The following NBAS variants were observed in gnomAD, a reference collection of about 807,000 sequenced individuals.
The protein encoded by NBAS is NAG/BC035112 fusion.
In NBAS, 219 loss-of-function variants were observed where a neutral mutation model predicts 302.5. The observed-to-expected ratio is 0.72, with a 90% CI of 0.65 to 0.81. NBAS has a LOEUF of 0.81. Ranked by LOEUF, NBAS falls within the 30% of genes least tolerant of loss-of-function variation. The pLI is 0.00. For synonymous variants in NBAS, 1,118 were observed against 1,021.6 expected, an observed-to-expected ratio of 1.09 and a Z score of -1.80; for missense variants, 2,932 against 2,841.6, an observed-to-expected ratio of 1.03 and a Z score of -0.72.
At chr2:14,782,681 C>A in the NBAS span, among the ~76,000 whole-genome samples, 1 of 152,094 alleles carries the variant, frequency 6.6e-6, no homozygotes, top group South Asian at 2.1e-4. Context: ...GCACTATTCA[C>A]AATAGCAAAG....
chr2:15,185,954 G>T (rs1665054866), intron 50 of NBAS, among the ~76,000 whole-genome samples: 1 of 151,984 alleles, frequency 6.6e-6, no homozygotes, highest in South Asian at 2.1e-4. Flanking sequence ...TTATCCAAAT[G>T]CTTAAATTTA....
At chr2:15,108,629 C>A in the NBAS span, among the ~76,000 whole-genome samples, 1 of 152,180 alleles carries the variant, frequency 6.6e-6, no homozygotes, top group East Asian at 1.9e-4. Context: ...TTACCTAGGC[C>A]ACATAACAAA....
chr2:15,208,674 T>C (rs1443395766), intron 48 of NBAS, among the ~76,000 whole-genome samples: 1 of 151,638 alleles, frequency 6.6e-6, no homozygotes, highest in East Asian at 1.9e-4. Context: ...TCTTAAAACA[T>C]TAAAAAAATG....
chr2:15,506,684 G>C (rs1179582474), intron 10 of NBAS, among the ~76,000 whole-genome samples: 1 of 151,986 alleles, frequency 6.6e-6, no homozygotes, highest in Non-Finnish European at 1.5e-5. Context: ...TTCAGCAAAA[G>C]AACTGAGTAA....
chr2:15,284,430 T>A (rs895488426), intron 42 of NBAS, among the ~76,000 whole-genome samples: 3 of 152,204 alleles, frequency 2.0e-5, no homozygotes, highest in Non-Finnish European at 4.4e-5. Flanking sequence ...ATCTAGCTAT[T>A]TTGATTTTAA....
chr2:15,002,557 C>T, the NBAS span, among the ~76,000 whole-genome samples: 1 of 152,170 alleles, frequency 6.6e-6, no homozygotes, highest in East Asian at 1.9e-4. Context: ...CTTGGGTGGT[C>T]GATGGGACTG....
chr2:14,965,841 T>C, the NBAS span, among the ~76,000 whole-genome samples: 2 of 151,782 alleles, frequency 1.3e-5, no homozygotes, highest in African/African-American at 4.8e-5. Context: ...TTGTAGAGGG[T>C]AGAATTGGGT....
chr2:15,408,020 C>T (rs548676681), intron 25 of NBAS, among the ~76,000 whole-genome samples: 3 of 152,322 alleles, frequency 2.0e-5, no homozygotes, highest in East Asian at 3.9e-4. Context: ...ATCCTGACCA[C>T]AGCCAGAAAG....
intron 6 of NBAS, among the ~76,000 whole-genome samples, chr2:15,541,387 C>G (rs749478940): frequency 2.0e-5 from 3 of 152,094 alleles, no homozygotes; most frequent in African/African-American, 2.4e-5. Context: ...TTCACCATCC[C>G]TCCAGGACTA....
Position 15,275,350 on chromosome 2 carries a change from G to T in NBAS, c.5724+134C>A, listed in dbSNP as rs138901944. 5,951 of 1,078,278 alleles carry T rather than the reference G, an allele frequency of 5.5e-3. 28 individuals are homozygous for T. The highest frequency in any genetic ancestry group is 0.01 in the Middle Eastern group (39 of 3,840). The allele number at this position is 1,078,278 out of a possible 1,614,324, so 66.8% of individuals were successfully genotyped here. A position where few individuals can be genotyped will look rare whatever the true frequency, so the allele number is the denominator to read the frequency against. ...TTAAAACACCTCATTCACAGCAAATGAACAAAAACTTTTTAAAAAGCCAAC... is the reference window on the plus strand; with the variant it reads ...TTAAAACACCTCATTCACAGCAAATTAACAAAAACTTTTTAAAAAGCCAAC... On this transcript the variant is annotated intron_variant, in intron 44 of 51. Coordinates refer to ENST00000281513, the MANE Select transcript of NBAS (RefSeq NM_015909.4).
At chr2:15,556,758 T>C in intron 3 of NBAS, 25 bp downstream of exon 3, 1 of 1,568,498 alleles carries the variant, frequency 6.4e-7, no homozygotes, top group Non-Finnish European at 8.8e-7. Flanking sequence ...GTTCATACTG[T>C]TTCTCTGAAG....
chr2:14,993,849 T>A, the NBAS span, among the ~76,000 whole-genome samples: 3 of 152,216 alleles, frequency 2.0e-5, no homozygotes, highest in African/African-American at 2.4e-5. Context: ...GAATTTGGTT[T>A]AAGCCAAACC....
intron 44 of NBAS, among the ~76,000 whole-genome samples, chr2:15,244,213 G>A (rs1396595029): frequency 6.6e-6 from 1 of 152,176 alleles, no homozygotes; most frequent in Non-Finnish European, 1.5e-5. Flanking sequence ...CTGAATTTCT[G>A]AGATAGTGAT....
chr2:15,467,655 C>T lies in NBAS; in HGVS notation c.2018+9G>A. ...GAAACTATCAAATGAACAGTAACAA[C>T]TCATTTACTTGGAAAAGTTCACTAA... On this transcript the variant is annotated intron_variant, in intron 18 of 51. Coordinates refer to ENST00000281513, the MANE Select transcript of NBAS (RefSeq NM_015909.4). The T allele has an allele frequency of 6.2e-7, 1 of 1,609,196 alleles. No individual in the cohort carries two copies. Among genetic ancestry groups the T allele is most frequent in the Non-Finnish European group, 8.5e-7 (1 of 1,176,026 alleles).
At chr2:14,978,592 A>C in the NBAS span, among the ~76,000 whole-genome samples, 2 of 152,214 alleles carry the variant, frequency 1.3e-5, no homozygotes, top group African/African-American at 4.8e-5. Flanking sequence ...TAGACAACTA[A>C]CACTTGTTAA....
the NBAS span, among the ~76,000 whole-genome samples, chr2:15,060,991 G>A: frequency 1.1e-4 from 17 of 151,418 alleles, no homozygotes; most frequent in African/African-American, 3.2e-4. Context: ...TCTGTAACAC[G>A]TGTAAAAAAA....
chr2:14,978,621 G>A, the NBAS span, among the ~76,000 whole-genome samples: 1 of 152,106 alleles, frequency 6.6e-6, no homozygotes, highest in Non-Finnish European at 1.5e-5. Context: ...ACATAATCAG[G>A]TCCACAGCTG....
intron 9 of NBAS, among the ~76,000 whole-genome samples, chr2:15,522,643 T>C (rs768908677): frequency 4.6e-5 from 7 of 152,066 alleles, no homozygotes; most frequent in Non-Finnish European, 7.4e-5. Context: ...GGGAAAAAAA[T>C]ATGGCCAAAA....
chr2:15,090,002 C>A, the NBAS span, among the ~76,000 whole-genome samples: 1 of 152,178 alleles, frequency 6.6e-6, no homozygotes, highest in African/African-American at 2.4e-5. Flanking sequence ...CCCACCCCAG[C>A]CTCCCAAAGT....
Sources: gnomAD v4.1 joint callset for allele counts (sites outside exome capture counted in the v4.1 genomes callset) on GRCh38, gnomAD v4.1.1 for gene constraint, MANE v1.5 for transcripts, NCBI Gene and HGNC (gene_info 2026-07-23, HGNC 2026-07-21) for gene names.